SBF2: variants seen among roughly 807,000 people sequenced by gnomAD.
SBF2 encodes myotubularin-related protein 13.
Under a neutral mutation model 225.2 loss-of-function variants are expected in SBF2, and 112 were observed. The observed-to-expected ratio is 0.50, with a 90% CI of 0.43 to 0.58. SBF2 has a LOEUF of 0.58. Among genes scored for constraint, SBF2 ranks in the 20% least tolerant of loss-of-function variants. The pLI is 0.00. For synonymous variants in SBF2, 763 were observed against 773.3 expected (o/e 0.99, Z 0.22); for missense variants, 1,996 against 2,206.2 (o/e 0.90, Z 1.91).
At chr11:10,035,957 C>A (rs906374426) in intron 3 of SBF2, among the ~76,000 whole-genome samples, 1 of 152,226 alleles carries the variant, frequency 6.6e-6, no homozygotes, top group East Asian at 1.9e-4. Context: ...AAGACACATG[C>A]ACACGTATGC....
At chr11:10,126,825 T>C (rs1953778387) in intron 2 of SBF2, among the ~76,000 whole-genome samples, 1 of 152,098 alleles carries the variant, frequency 6.6e-6, no homozygotes, top group South Asian at 2.1e-4. Context: ...AAATGTACTA[T>C]AATCATACAT....
At chr11:9,948,673 A>T (rs1565045908) in intron 16 of SBF2, among the ~76,000 whole-genome samples, 1 of 152,200 alleles carries the variant, frequency 6.6e-6, no homozygotes, top group Non-Finnish European at 1.5e-5. Context: ...CTCAGAACAG[A>T]GCCAGGAAAT....
At chr11:10,015,610 G>A (rs1948619066) in intron 6 of SBF2, among the ~76,000 whole-genome samples, 1 of 152,210 alleles carries the variant, frequency 6.6e-6, no homozygotes, top group Admixed American at 6.5e-5. Context: ...ACTGACCCTT[G>A]AGGTAGATTT....
At chr11:9,781,193 A>T (rs1590067156) in intron 39 of SBF2, among the ~76,000 whole-genome samples, 2 of 152,402 alleles carry the variant, frequency 1.3e-5, no homozygotes, top group African/African-American at 4.8e-5. Context: ...CTAGGGAAAT[A>T]GCATCTGTTC....
chr11:10,295,462 C>T (rs1449956428), upstream of SBF2, among the ~76,000 whole-genome samples: 1 of 152,010 alleles, frequency 6.6e-6, no homozygotes, highest in Non-Finnish European at 1.5e-5. Flanking sequence ...TTGGGCTGCA[C>T]TAGAACTGAA....
At chr11:10,200,242 T>G (rs1487282123) in intron 1 of SBF2, among the ~76,000 whole-genome samples, 1 of 152,168 alleles carries the variant, frequency 6.6e-6, no homozygotes, top group Non-Finnish European at 1.5e-5. Flanking sequence ...ATATAAAAAA[T>G]GAAGATACTA....
intron 10 of SBF2, among the ~76,000 whole-genome samples, chr11:9,993,686 C>T (rs1480844719): frequency 6.6e-6 from 1 of 152,172 alleles, no homozygotes; most frequent in African/African-American, 2.4e-5. Flanking sequence ...TTAACTCATG[C>T]CTCCTCAGGG....
intron 16 of SBF2, among the ~76,000 whole-genome samples, chr11:9,920,882 T>C (rs1330074514): frequency 6.6e-6 from 1 of 151,902 alleles, no homozygotes; most frequent in Non-Finnish European, 1.5e-5. Flanking sequence ...TCTGTCAGGG[T>C]TCCACAACCT....
chr11:10,138,033 C>A (rs1227010153), intron 2 of SBF2, among the ~76,000 whole-genome samples: 1 of 141,138 alleles, frequency 7.1e-6, no homozygotes, highest in Non-Finnish European at 1.6e-5. Context: ...AAATAAATTT[C>A]TATTTTTTTG....
chr11:10,152,821 T>C (rs969983372), intron 2 of SBF2, among the ~76,000 whole-genome samples: 16 of 151,966 alleles, frequency 1.1e-4, no homozygotes, highest in Non-Finnish European at 2.1e-4. Flanking sequence ...GAATCAACCA[T>C]GGGTATTAAA....
chr11:10,191,924 CT>C (rs146031437), intron 2 of SBF2, among the ~76,000 whole-genome samples: 14,459 of 152,146 alleles, frequency 0.095, 936 homozygotes, highest in East Asian at 0.28. Context: ...CATGATTTCC[CT>C]TCTCCCTCTA....
intron 1 of SBF2, among the ~76,000 whole-genome samples, chr11:10,292,450 G>A: frequency 6.6e-6 from 1 of 152,086 alleles, no homozygotes; most frequent in East Asian, 1.9e-4. Flanking sequence ...GGGAGGCCGA[G>A]GCCGGTGGAT....
intron 1 of SBF2, among the ~76,000 whole-genome samples, chr11:10,227,730 T>C (rs2135424137): frequency 6.6e-6 from 1 of 152,344 alleles, no homozygotes. Context: ...TGTAGCCTTG[T>C]ATATAGTCTG....
At chr11:9,940,102 A>T (rs1865160575) in intron 16 of SBF2, among the ~76,000 whole-genome samples, 1 of 152,004 alleles carries the variant, frequency 6.6e-6, no homozygotes, top group Non-Finnish European at 1.5e-5. Flanking sequence ...GCTGTGATTA[A>T]AAAGTACACA....
At chr11:10,252,462 A>G (rs574910118) in intron 1 of SBF2, among the ~76,000 whole-genome samples, 2 of 152,370 alleles carry the variant, frequency 1.3e-5, no homozygotes, top group South Asian at 4.1e-4. Flanking sequence ...CCCATCGGCC[A>G]TACTTCAACC....
intron 2 of SBF2, among the ~76,000 whole-genome samples, chr11:10,117,841 C>G (rs1032643299): frequency 1.3e-5 from 2 of 151,772 alleles, no homozygotes; most frequent in African/African-American, 4.8e-5. Flanking sequence ...AGCTGGAATG[C>G]TGTATTCTCT....
chr11:9,991,461 TCA>T (rs922752023), intron 12 of SBF2, among the ~76,000 whole-genome samples: 2 of 152,116 alleles, frequency 1.3e-5, no homozygotes, highest in Admixed American at 1.3e-4. Flanking sequence ...TAAAAGAAAA[TCA>T]CCAGAAGCAA....
intron 1 of SBF2, among the ~76,000 whole-genome samples, chr11:10,255,796 G>A (rs548003210): frequency 1.1e-3 from 164 of 152,282 alleles, no homozygotes; most frequent in Non-Finnish European, 1.7e-3. Context: ...AAAATTAAGA[G>A]TTACCTAAGA....
intron 17 of SBF2, among the ~76,000 whole-genome samples, chr11:9,891,021 G>A (rs180995083): frequency 3.3e-5 from 5 of 152,052 alleles, no homozygotes; most frequent in African/African-American, 7.2e-5. Flanking sequence ...CTGTAATCCC[G>A]GCTACTCGGG....
Sources: gnomAD v4.1 joint callset for allele counts (sites outside exome capture counted in the v4.1 genomes callset) on GRCh38, gnomAD v4.1.1 for gene constraint, MANE v1.5 for transcripts, NCBI Gene and HGNC (gene_info 2026-07-23, HGNC 2026-07-21) for gene names.